Variants in RICTOR observed in about 807,000 individuals in gnomAD.
RICTOR encodes the protein rapamycin-insensitive companion of mTOR.
A neutral mutation model predicts 214.9 loss-of-function variants in RICTOR; 49 were observed. That is an observed-to-expected ratio of 0.23 (90% confidence interval 0.18 to 0.29). RICTOR has a LOEUF of 0.29. Among genes scored for constraint, RICTOR ranks in the 10% least tolerant of loss-of-function variants. RICTOR has a pLI of 1.00. For missense variants in RICTOR, 1,625 were observed against 2,047.0 expected (o/e 0.79, Z 3.98); for synonymous variants, 717 against 711.3 (o/e 1.01, Z -0.13).
At chr5:39,058,722 G>A (rs1318256940) in intron 2 of RICTOR, among the ~76,000 whole-genome samples, 1 of 152,010 alleles carries the variant, frequency 6.6e-6, no homozygotes, top group African/African-American at 2.4e-5. Context: ...GTTGAACTGA[G>A]GATGTTTATC....
At chr5:38,972,787 C>CA (rs1462206031) in intron 10 of RICTOR, among the ~76,000 whole-genome samples, 1 of 139,428 alleles carries the variant, frequency 7.2e-6, no homozygotes, top group East Asian at 2.1e-4. Context: ...CTCATGTCCA[C>CA]AAAAAAAGTT....
intron 2 of RICTOR, among the ~76,000 whole-genome samples, chr5:39,065,877 C>G (rs1758869130): frequency 6.6e-6 from 1 of 152,184 alleles, no homozygotes; most frequent in Non-Finnish European, 1.5e-5. Flanking sequence ...GGTTTAGCCC[C>G]CAGGAATGCT....
intron 2 of RICTOR, among the ~76,000 whole-genome samples, chr5:39,046,213 A>T (rs1353954383): frequency 6.6e-6 from 1 of 151,096 alleles, no homozygotes; most frequent in Non-Finnish European, 1.5e-5. Context: ...AAAAAAACAA[A>T]AACAGCTGGG....
At position 38,949,996 on chromosome 5, in the gene RICTOR, C is replaced by G. The variant is rs536774546; in HGVS notation, c.3852G>C (p.Ser1284=). The G allele has an allele frequency of 4.3e-6, 7 of 1,613,368 alleles. No homozygotes were observed. Among genetic ancestry groups the G allele is most frequent in the South Asian group, 1.1e-5 (1 of 91,062 alleles). ...AAGAACCTGGAGGCACCAGGGACAC[C>G]GAATTTGATTTGGAGAGAGACAGAT... is the stretch of plus-strand genomic sequence containing the variant. The part of the protein sequence containing the change: ...SNHLSLSKSN[S]VSLVPPGSSH... Residue 1284 remains serine, a synonymous_variant, in exon 31 of 38, where the codon TCG becomes TCC. Coordinates refer to ENST00000357387, the MANE Select transcript of RICTOR (RefSeq NM_152756.5).
At chr5:38,968,832 T>C (rs1384719289) in intron 11 of RICTOR, among the ~76,000 whole-genome samples, 2 of 151,764 alleles carry the variant, frequency 1.3e-5, no homozygotes, top group African/African-American at 4.8e-5. Flanking sequence ...TCATGTATAC[T>C]GCCCCTGGAG....
At chr5:38,960,598 T>A in intron 19 of RICTOR, 65 bp from the exon 20 acceptor site, 1 of 1,509,076 alleles carries the variant, frequency 6.6e-7, no homozygotes, top group Non-Finnish European at 9.2e-7. Context: ...ATCTTAACCA[T>A]TACTTATGAC....
intron 11 of RICTOR, among the ~76,000 whole-genome samples, chr5:38,969,078 T>C (rs1285512695): frequency 6.8e-6 from 1 of 147,266 alleles, no homozygotes; most frequent in African/African-American, 2.5e-5. Context: ...CAAGCAATTC[T>C]CCTGCCGCCA....
At chr5:39,030,179 T>C (rs979862962) in intron 2 of RICTOR, among the ~76,000 whole-genome samples, 4 of 152,186 alleles carry the variant, frequency 2.6e-5, no homozygotes, top group African/African-American at 9.6e-5. Context: ...CAGGTAGAAT[T>C]TGTTTTGCTT....
chr5:39,024,345 T>C (rs1473033729), intron 2 of RICTOR, among the ~76,000 whole-genome samples: 1 of 152,126 alleles, frequency 6.6e-6, no homozygotes, highest in Non-Finnish European at 1.5e-5. Flanking sequence ...AGTTGAATGA[T>C]CCATCACTGA....
At chr5:39,043,361 A>T (rs1227996425) in intron 2 of RICTOR, among the ~76,000 whole-genome samples, 1 of 152,194 alleles carries the variant, frequency 6.6e-6, no homozygotes, top group Non-Finnish European at 1.5e-5. Flanking sequence ...GGAGGACATG[A>T]TCTTAAGTGA....
chr5:39,067,470 C>G (rs552768314), intron 2 of RICTOR, among the ~76,000 whole-genome samples: 13 of 152,286 alleles, frequency 8.5e-5, no homozygotes, highest in African/African-American at 3.1e-4. Context: ...AATATCCAAA[C>G]TGTTTTAGCT....
chr5:39,029,651 G>T (rs1056530828), intron 2 of RICTOR, among the ~76,000 whole-genome samples: 7 of 152,116 alleles, frequency 4.6e-5, no homozygotes, highest in Admixed American at 6.5e-5. Flanking sequence ...GAATAAAAAA[G>T]AACTGAATTC....
intron 34 of RICTOR, 96 bp downstream of exon 34, chr5:38,945,395 A>G (rs1748076296): frequency 1.3e-6 from 1 of 788,796 alleles, no homozygotes. Flanking sequence ...CAGCTGGGAA[A>G]CTCTGAATTA....
At chr5:39,005,384 G>A (rs1753979677) in intron 3 of RICTOR, among the ~76,000 whole-genome samples, 1 of 148,264 alleles carries the variant, frequency 6.7e-6, no homozygotes, top group African/African-American at 2.5e-5. Context: ...TGCTTCAGTT[G>A]AATATTTTCT....
chr5:39,043,626 C>G (rs1757309629), intron 2 of RICTOR, among the ~76,000 whole-genome samples: 1 of 152,130 alleles, frequency 6.6e-6, no homozygotes, highest in Non-Finnish European at 1.5e-5. Flanking sequence ...ATTCTCACCA[C>G]AAAGAAATGA....
intron 2 of RICTOR, among the ~76,000 whole-genome samples, chr5:39,073,722 C>T (rs1481137738): frequency 1.3e-5 from 2 of 152,284 alleles, no homozygotes; most frequent in East Asian, 3.9e-4. Context: ...CTCAAACATC[C>T]TCCTGCAACC....
At chr5:39,074,210 G>A (rs755359865) in intron 1 of RICTOR, 52 bp from the exon 2 acceptor site, 2 of 1,581,652 alleles carry the variant, frequency 1.3e-6, no homozygotes, top group East Asian at 2.4e-5. Context: ...CAGGCCAGCT[G>A]CGGCTGCCCT....
At chr5:38,992,766 A>T (rs1752881329) in intron 6 of RICTOR, among the ~76,000 whole-genome samples, 1 of 152,192 alleles carries the variant, frequency 6.6e-6, no homozygotes, top group South Asian at 2.1e-4. Context: ...TTTCCTCATA[A>T]ATCAATGAAT....
intron 30 of RICTOR, 50 bp downstream of exon 30, chr5:38,952,146 T>C: frequency 9.0e-7 from 1 of 1,105,320 alleles, no homozygotes; most frequent in Non-Finnish European, 1.4e-6. Flanking sequence ...AAAATTCAAA[T>C]ATAAATGTTA....
Sources: gnomAD v4.1 joint callset for allele counts (sites outside exome capture counted in the v4.1 genomes callset) on GRCh38, gnomAD v4.1.1 for gene constraint, MANE v1.5 for transcripts, NCBI Gene and HGNC (gene_info 2026-07-23, HGNC 2026-07-21) for gene names.